FERMT3: variants seen among roughly 807,000 people sequenced by gnomAD.
FERMT3 encodes the protein fermitin family homolog 3.
Under a neutral mutation model 80.8 loss-of-function variants are expected in FERMT3, and 33 were observed. That is an observed-to-expected ratio of 0.41 (90% CI 0.31 to 0.55). The LOEUF (loss-of-function observed/expected upper bound fraction) is 0.55. Among genes scored for constraint, FERMT3 ranks in the 20% least tolerant of loss-of-function variants. The probability of loss-of-function intolerance (pLI) is 0.31; values close to 1 mark genes in which losing one functional copy is unlikely to be tolerated. For synonymous variants in FERMT3, 375 were observed against 372.2 expected (o/e 1.01, Z -0.09); for missense variants, 754 against 908.7 (o/e 0.83, Z 2.19).
upstream of FERMT3, among the ~76,000 whole-genome samples, chr11:64,205,949 G>T (rs1175505879): frequency 6.6e-6 from 1 of 152,246 alleles, no homozygotes; most frequent in African/African-American, 2.4e-5. Context: ...GCTGGTGGCG[G>T]ACGTGCCTTG....
Position 64,219,238 on chromosome 11 carries a change from C to T in FERMT3, c.787-13C>T, listed in dbSNP as rs777951452. Reference sequence around the variant, plus strand: ...ACCAGCCCAGCCTCCAGCCTCCTCTCCCCCCGCTCCAGACAGACCCCGTGC... The same window carrying T: ...ACCAGCCCAGCCTCCAGCCTCCTCTTCCCCCGCTCCAGACAGACCCCGTGC... On this transcript the variant is annotated splice_polypyrimidine_tract_variant and intron_variant, in intron 6 of 14. Coordinates refer to ENST00000345728, the MANE Select transcript of FERMT3 (RefSeq NM_031471.6). The surrounding 1 kb of genome is among the most constrained non-coding windows in gnomAD (Gnocchi z 4.0). 3.8e-6 allele frequency: 6 copies of T among 1,571,390 alleles called. No individual in the cohort carries two copies. Among genetic ancestry groups the T allele is most frequent in the African/African-American group, 1.4e-5 (1 of 73,618 alleles).
intron 13 of FERMT3, 72 bp from the exon 14 acceptor site, chr11:64,222,976 C>T (rs559488063): frequency 6.9e-6 from 11 of 1,597,136 alleles, no homozygotes; most frequent in Admixed American, 3.3e-5. Context: ...TCCAGCACGG[C>T]GCCACATTGT....
At position 64,223,856 on chromosome 11, in the gene FERMT3, CT is replaced by C; in HGVS notation, c.*370del. 1 of 1,504,924 alleles carries C rather than the reference CT, an allele frequency of 6.6e-7. No individual in the cohort carries two copies. The highest frequency in any genetic ancestry group is 2.0e-5 in the Admixed American group (1 of 50,038). The allele number at this position is 1,504,924 out of a possible 1,614,324, so 93.2% of individuals were successfully genotyped here. On this transcript the variant is annotated 3_prime_UTR_variant, in exon 15 of 15. Coordinates refer to ENST00000345728, the MANE Select transcript of FERMT3 (RefSeq NM_031471.6). ...TCTTTCTTGTTACTTTTTAAAATTT[CT>C]TTTTTATAAATTAATATTTTATTGT... is the stretch of plus-strand genomic sequence containing the variant.
At chr11:64,216,156 C>G (rs1035439287) in intron 6 of FERMT3, among the ~76,000 whole-genome samples, 1 of 148,896 alleles carries the variant, frequency 6.7e-6, no homozygotes, top group African/African-American at 2.5e-5. Flanking sequence ...AAAGAATATT[C>G]TGGTCTTGAT....
chr11:64,208,524 T>C (rs1482677860), intron 2 of FERMT3, among the ~76,000 whole-genome samples: 2 of 152,206 alleles, frequency 1.3e-5, no homozygotes, highest in East Asian at 3.9e-4. Flanking sequence ...CTCTGTCTAC[T>C]GATGCTCAGC....
Position 64,212,926 on chromosome 11 carries a change from C to T in FERMT3, c.786+1179C>T, listed in dbSNP as rs1451316472. Among the ~76,000 whole-genome samples, 4 of 152,052 alleles carry T rather than the reference C, an allele frequency of 2.6e-5. No homozygotes were observed. The East Asian group carries it at 7.7e-4, about 29-fold the overall frequency. On this transcript the variant is annotated intron_variant, in intron 6 of 14. Transcript: ENST00000345728. ...TTTTATTTTTTGAGACACAGTCTTGCTCTGTTGTCCAGACTGGAGGGCAGT... is the reference window on the plus strand; with the variant it reads ...TTTTATTTTTTGAGACACAGTCTTGTTCTGTTGTCCAGACTGGAGGGCAGT...
In FERMT3 at chr11:64,219,672, C is replaced by T. The variant is rs201218236; in HGVS notation, c.1029+14C>T. The T allele has an allele frequency of 1.0e-4, 165 of 1,613,662 alleles. No individual in the cohort carries two copies. The highest frequency in any genetic ancestry group is 4.5e-5 in the Non-Finnish European group (53 of 1,179,984). ...ACAGATGTGCTGGTGAGGAGGGGCT[C>T]AGGGCAGGGGCTGGGCAGGGAGAAC... On this transcript the variant is annotated intron_variant, in intron 8 of 14. Transcript: ENST00000345728. The surrounding 1 kb of genome is among the most constrained non-coding windows in gnomAD (Gnocchi z 4.0).
chr11:64,223,854 T>G lies in FERMT3; in HGVS notation c.*362T>G, dbSNP rs371675666. 6.7e-7 allele frequency: 1 copy of G among 1,489,898 alleles called. No individual in the cohort carries two copies. The highest frequency in any genetic ancestry group is 9.1e-7 in the Non-Finnish European group (1 of 1,101,626). The allele number at this position is 1,489,898 out of a possible 1,614,324, so 92.3% of individuals were successfully genotyped here. A position where few individuals can be genotyped will look rare whatever the true frequency, so the allele number is the denominator to read the frequency against. The stretch of plus-strand genomic sequence containing the variant: ...GTTCTTTCTTGTTACTTTTTAAAAT[T>G]TCTTTTTTATAAATTAATATTTTAT... On this transcript the variant is annotated 3_prime_UTR_variant, in exon 15 of 15. Transcript: ENST00000345728.
intron 13 of FERMT3, among the ~76,000 whole-genome samples, chr11:64,222,492 G>A (rs1419540641): frequency 6.6e-6 from 1 of 150,896 alleles, no homozygotes; most frequent in Non-Finnish European, 1.5e-5. Context: ...TTGAACCCGG[G>A]AGGCGGAGGT....
At chr11:64,209,877 C>CT (rs1210545547) in intron 2 of FERMT3, among the ~76,000 whole-genome samples, 1 of 152,190 alleles carries the variant, frequency 6.6e-6, no homozygotes, top group African/African-American at 2.4e-5. Flanking sequence ...GTTCATGCTC[C>CT]TGGAGGGAGG....
rs1444967659 is a variant in FERMT3 at position 64,223,448 on chromosome 11, G to A, written c.1948G>A (p.Glu650Lys). Residue 650 changes from glutamate (E) to lysine (K), a missense_variant, in exon 15 of 15, where the codon GAA becomes AAA. Physicochemically the swap from Glu to Lys is moderately conservative, Grantham distance 56. Transcript: ENST00000345728. ...RERARGEELD[E>K]DLFLQLTGGH... Reference sequence around the variant, plus strand: ...GCGGGCCCGTGGGGAGGAGCTGGATGAAGACCTCTTCCTGCAGCTCACCGG... The same window carrying A: ...GCGGGCCCGTGGGGAGGAGCTGGATAAAGACCTCTTCCTGCAGCTCACCGG... The A allele has an allele frequency of 1.2e-6, 2 of 1,612,740 alleles. No individual in the cohort carries two copies. The highest frequency in any genetic ancestry group is 1.1e-5 in the South Asian group (1 of 91,092).
Position 64,210,090 on chromosome 11 carries a change from CTG to C in FERMT3, c.161-520_161-519del, listed in dbSNP as rs1946402972. Reference sequence around the variant, plus strand: ...ATCGTTATTGTATCTTACAGGGAAACTGAGGCCCAGTGAGGTTAAGTGGCTTG... The same window carrying C: ...ATCGTTATTGTATCTTACAGGGAAACAGGCCCAGTGAGGTTAAGTGGCTTG... On this transcript the variant is annotated intron_variant, in intron 2 of 14. Transcript: ENST00000345728. The surrounding 1 kb of genome is among the most constrained non-coding windows in gnomAD (Gnocchi z 4.3). 6.6e-6 allele frequency among the ~76,000 whole-genome samples: 1 copy of C among 152,180 alleles called. No homozygotes were observed. Among genetic ancestry groups the C allele is most frequent in the Non-Finnish European group, 1.5e-5 (1 of 68,036 alleles).
intron 2 of FERMT3, 65 bp downstream of exon 2, chr11:64,207,589 C>T: frequency 6.5e-7 from 1 of 1,546,430 alleles, no homozygotes; most frequent in South Asian, 1.2e-5. Context: ...TGTCTCTGGG[C>T]ACTTCCGGGC....
At chr11:64,220,934 AC>A in intron 12 of FERMT3, 81 bp from the exon 13 acceptor site, 1 of 1,575,690 alleles carries the variant, frequency 6.3e-7, no homozygotes, top group South Asian at 1.1e-5. Flanking sequence ...ACATGCTGTC[AC>A]CCTGATGGGG....
In FERMT3 at chr11:64,219,817, C is replaced by T. The variant is rs1281307744; in HGVS notation, c.1079+28C>T. On this transcript the variant is annotated intron_variant, in intron 9 of 14. Transcript: ENST00000345728. This position sits in a 1 kb window ranked among gnomAD's most constrained non-coding sequence, Gnocchi z 4.0. ...GAGTTGGGGGCCAGAGTAGGCAGCC[C>T]TGCTGGAGGGGTTGGTCTGCATATG... The T allele has an allele frequency of 6.2e-7, 1 of 1,614,018 alleles. No individual in the cohort carries two copies. Among genetic ancestry groups the T allele is most frequent in the Admixed American group, 1.7e-5 (1 of 60,010 alleles).
In FERMT3 at chr11:64,221,080, T is replaced by C; in HGVS notation, c.1610T>C (p.Leu537Pro). Residue 537 changes from leucine to proline, a missense_variant, in exon 13 of 15, where the codon CTG becomes CCG. Transcript: ENST00000345728. The stretch of plus-strand genomic sequence containing the variant: ...CAGTTGTCGCTGGCAGAGGCCCAGC[T>C]GCGCTTCATCCAGGCCTGGCAGTCC... Reference protein sequence around the residue: ...VAQLSLAEAQLRFIQAWQSLP... With the variant: ...VAQLSLAEAQPRFIQAWQSLP... The C allele has an allele frequency of 6.2e-7, 1 of 1,612,478 alleles. No individual in the cohort carries two copies. The highest frequency in any genetic ancestry group is 8.5e-7 in the Non-Finnish European group (1 of 1,180,028).
chr11:64,219,194 C>T lies in FERMT3; in HGVS notation c.787-57C>T. 1 of 1,507,348 alleles carries T rather than the reference C, an allele frequency of 6.6e-7. No homozygotes were observed. Among genetic ancestry groups the T allele is most frequent in the South Asian group, 1.2e-5 (1 of 83,282 alleles). The allele number at this position is 1,507,348 out of a possible 1,614,324, so 93.4% of individuals were successfully genotyped here. On this transcript the variant is annotated intron_variant, in intron 6 of 14. Coordinates refer to ENST00000345728, the MANE Select transcript of FERMT3 (RefSeq NM_031471.6). The surrounding 1 kb of genome is among the most constrained non-coding windows in gnomAD (Gnocchi z 4.0). Reference sequence around the variant, plus strand: ...CTGGCAGGGGCTCAGTGCAGGGCGTCCAGGGCAGCTGGCATCTGACCAGCC... The same window carrying T: ...CTGGCAGGGGCTCAGTGCAGGGCGTTCAGGGCAGCTGGCATCTGACCAGCC...
chr11:64,220,839 A>AGATTGTGCGGCT, intron 12 of FERMT3, 170 bp downstream of exon 12: 1 of 1,340,710 alleles, frequency 7.5e-7, no homozygotes, highest in Non-Finnish European at 1.0e-6. Context: ...GTCACGGTCC[A>AGATTGTGCGGCT]GGTGCCCATG....
In FERMT3 at chr11:64,219,687, G is replaced by T. The variant is rs1946631108; in HGVS notation, c.1029+29G>T. The T allele has an allele frequency of 6.2e-7, 1 of 1,613,820 alleles. No individual in the cohort carries two copies. Among genetic ancestry groups the T allele is most frequent in the African/African-American group, 1.3e-5 (1 of 74,922 alleles). On this transcript the variant is annotated intron_variant, in intron 8 of 14. Coordinates refer to ENST00000345728, the MANE Select transcript of FERMT3 (RefSeq NM_031471.6). This position sits in a 1 kb window ranked among gnomAD's most constrained non-coding sequence, Gnocchi z 4.0. ...AGGAGGGGCTCAGGGCAGGGGCTGGGCAGGGAGAACTGTGAGGTACCGGGT... is the reference window on the plus strand; with the variant it reads ...AGGAGGGGCTCAGGGCAGGGGCTGGTCAGGGAGAACTGTGAGGTACCGGGT...
Sources: allele counts gnomAD v4.1 joint callset (sites outside exome capture counted in the v4.1 genomes callset), GRCh38; gene constraint gnomAD v4.1.1; non-coding constraint Gnocchi (gnomAD v3.1); transcripts MANE v1.5; gene names NCBI Gene and HGNC (gene_info 2026-07-23, HGNC 2026-07-21).